Variants in ZNF44 observed in about 807,000 individuals in gnomAD.
ZNF44 encodes gonadotropin inducible transcription repressor-2.
A neutral mutation model predicts 11.7 loss-of-function variants in ZNF44; 9 were observed. The observed-to-expected ratio is 0.77, with a 90% CI of 0.46 to 1.35. The LOEUF (loss-of-function observed/expected upper bound fraction) is 1.35. Ranked by LOEUF, ZNF44 falls within the 40% of genes most tolerant of loss-of-function variation. The probability of loss-of-function intolerance (pLI) is 0.00; values close to 1 mark genes in which losing one functional copy is unlikely to be tolerated. For synonymous variants in ZNF44, 224 were observed against 242.7 expected, an observed-to-expected ratio of 0.92 and a Z score of 0.72; for missense variants, 696 against 743.1, an observed-to-expected ratio of 0.94 and a Z score of 0.74.
chr19:12,232,517 T>A (rs1369610700), intron 2 of ZNF44, among the ~76,000 whole-genome samples: 1 of 152,188 alleles, frequency 6.6e-6, no homozygotes, highest in Non-Finnish European at 1.5e-5. Flanking sequence ...TGTCCCTGGG[T>A]ACTTGAGATT....
chr19:12,273,523 T>C lies in ZNF44; in HGVS notation c.732A>G (p.Glu244=). 6.2e-7 allele frequency: 1 copy of C among 1,614,110 alleles called. No individual in the cohort carries two copies. The highest frequency in any genetic ancestry group is 1.3e-5 in the African/African-American group (1 of 75,024). ...ACGGTTTCTCCCCAGTGTGTATTTT[T>C]TCATGTCTTAGATAGGAACTGTAAA... ...FPVYSSYLRH[E]KIHTGEKPYE... is the part of the protein sequence containing the mutation. Residue 244 remains glutamate, a synonymous_variant, in exon 4 of 4, where the codon GAA becomes GAG. Coordinates refer to ENST00000355684, the MANE Select transcript of ZNF44 (RefSeq NM_016264.4).
At chr19:12,228,174 C>CAGAATTTCCTTTACAA in intron 3 of ZNF44, among the ~76,000 whole-genome samples, 1 of 105,716 alleles carries the variant, frequency 9.5e-6, no homozygotes, top group African/African-American at 4.7e-5. Flanking sequence ...AATTGTTTAA[C>CAGAATTTCCTTTACAA]TTAACTTTTT....
At chr19:12,259,772 G>T (rs1490882110) in intron 5 of ZNF44, among the ~76,000 whole-genome samples, 1 of 152,204 alleles carries the variant, frequency 6.6e-6, no homozygotes, top group Non-Finnish European at 1.5e-5. Context: ...TCTTTGTTAT[G>T]CCACAACTAT....
At chr19:12,241,574 A>G (rs1049981946), upstream of ZNF44, among the ~76,000 whole-genome samples, 17 of 152,198 alleles carry the variant, frequency 1.1e-4, no homozygotes, top group Non-Finnish European at 1.8e-4. Context: ...AGACACCTGT[A>G]ATCACAGCCA....
At chr19:12,284,918 C>T in intron 1 of ZNF44, 1 of 718,156 alleles carries the variant, frequency 1.4e-6, no homozygotes, top group Non-Finnish European at 2.5e-6. Flanking sequence ...CTGGCATCGT[C>T]TCAGCGCCTG....
intron 5 of ZNF44, among the ~76,000 whole-genome samples, chr19:12,258,926 G>A (rs761426207): frequency 3.4e-4 from 51 of 152,130 alleles, no homozygotes; most frequent in Non-Finnish European, 6.8e-4. Context: ...CCAGGCTGGA[G>A]TGCAGTGGCA....
intron 5 of ZNF44, among the ~76,000 whole-genome samples, chr19:12,251,895 T>C (rs1917014029): frequency 6.6e-6 from 1 of 151,630 alleles, no homozygotes; most frequent in Non-Finnish European, 1.5e-5. Context: ...CTACTAATAA[T>C]ACAAAATTAG....
At chr19:12,274,266 CTTTT>C (rs869093549) in intron 3 of ZNF44, among the ~76,000 whole-genome samples, 2 of 90,198 alleles carry the variant, frequency 2.2e-5, no homozygotes, top group Admixed American at 1.4e-4. Context: ...ATTCTTAATT[CTTTT>C]TTTTTTTTTT....
upstream of ZNF44, among the ~76,000 whole-genome samples, chr19:12,239,567 C>CTT (rs1599489497): frequency 8.1e-6 from 1 of 123,648 alleles, no homozygotes; most frequent in African/African-American, 3.5e-5. Context: ...GCCCAAGTTG[C>CTT]ATTTTTTTTT....
intron 5 of ZNF44, among the ~76,000 whole-genome samples, chr19:12,255,418 G>C (rs1917209547): frequency 6.6e-6 from 1 of 152,038 alleles, no homozygotes; most frequent in African/African-American, 2.4e-5. Flanking sequence ...AAAGAGGACA[G>C]AAATTACTAA....
intron 5 of ZNF44, among the ~76,000 whole-genome samples, chr19:12,254,230 G>A (rs1231909566): frequency 1.3e-5 from 2 of 150,846 alleles, no homozygotes; most frequent in Non-Finnish European, 2.9e-5. Context: ...AAATATGCTT[G>A]CAGACTACAA....
intron 2 of ZNF44, among the ~76,000 whole-genome samples, chr19:12,233,418 A>G (rs1397978524): frequency 6.6e-6 from 1 of 152,084 alleles, no homozygotes; most frequent in Non-Finnish European, 1.5e-5. Context: ...AGACTTCACC[A>G]AAATAGTCCA....
rs575384564 is a variant in ZNF44, at chr19:12,233,185, C to A, written n.380+1482G>T. On this transcript the variant is annotated intron_variant and non_coding_transcript_variant, in intron 2 of 3. Coordinates refer to the ZNF44 transcript ENST00000597563. ...GAAGATGCCAGCCCTGAGAAACCCC[C>A]CTCCGGCCAGAAAGATGTCTGCCCC... Among the ~76,000 whole-genome samples the A allele has an allele frequency of 6.6e-5, 10 of 152,198 alleles. No individual in the cohort carries two copies. The South Asian group carries it at 1.9e-3, about 28-fold the overall frequency.
At chr19:12,239,904 C>T (rs546495924), upstream of ZNF44, among the ~76,000 whole-genome samples, 7 of 151,922 alleles carry the variant, frequency 4.6e-5, no homozygotes, top group South Asian at 1.2e-3. Flanking sequence ...TAACAATAAA[C>T]GGTCTGAAAG....
chr19:12,260,220 G>C (rs992296352), intron 5 of ZNF44: 2 of 784,120 alleles, frequency 2.6e-6, no homozygotes, highest in African/African-American at 3.4e-5. Flanking sequence ...CCAGTAACTT[G>C]AAGGCCCCAG....
At chr19:12,234,941 A>T (rs1916319166) in intron 1 of ZNF44, 2 of 152,242 alleles carry the variant, frequency 1.3e-5, no homozygotes, top group African/African-American at 4.8e-5. Flanking sequence ...TTCTGAGCAG[A>T]AGTTTAATAG....
At chr19:12,261,654 C>A (rs1024137254) in intron 5 of ZNF44, among the ~76,000 whole-genome samples, 2 of 152,012 alleles carry the variant, frequency 1.3e-5, no homozygotes, top group Non-Finnish European at 2.9e-5. Flanking sequence ...ACAACAACAA[C>A]AAAAAAGACA....
chr19:12,238,950 T>C (rs967929451), upstream of ZNF44, among the ~76,000 whole-genome samples: 6 of 152,194 alleles, frequency 3.9e-5, no homozygotes, highest in East Asian at 1.2e-3. Context: ...AGTCTGTGAG[T>C]TCCTGTCCCC....
rs1469039463 is a variant in ZNF44 at position 12,235,635 on chromosome 19, T to C, written n.139-727A>G. Among the ~76,000 whole-genome samples, 4 of 152,202 alleles carry C rather than the reference T, an allele frequency of 2.6e-5. No individual in the cohort carries two copies. The East Asian group carries it at 5.8e-4, about 22-fold the overall frequency. On this transcript the variant is annotated intron_variant and non_coding_transcript_variant, in intron 1 of 3. Coordinates refer to the ZNF44 transcript ENST00000597563. ...TACACCACAGTCAAGTGGGAATCAT[T>C]ACAGGTGTACAAGGCTGATTCAAAA...
Sources: allele counts gnomAD v4.1 joint callset (sites outside exome capture counted in the v4.1 genomes callset), GRCh38; gene constraint gnomAD v4.1.1; transcripts MANE v1.5; gene names NCBI Gene and HGNC (gene_info 2026-07-23, HGNC 2026-07-21).